The following CACNA1A variants were observed in gnomAD, a reference collection of about 807,000 sequenced individuals.
CACNA1A encodes voltage-dependent P/Q-type calcium channel subunit alpha-1A.
In CACNA1A, 57 loss-of-function variants were observed where a neutral mutation model predicts 262.4. The ratio of observed to expected loss-of-function variants is 0.22; its 90% CI spans 0.18 to 0.27. The LOEUF is 0.27. Among genes scored for constraint, CACNA1A ranks in the 10% least tolerant of loss-of-function variants. The probability of loss-of-function intolerance (pLI) is 1.00; values close to 1 mark genes in which losing one functional copy is unlikely to be tolerated. For missense variants in CACNA1A, 2,526 were observed against 3,562.8 expected (o/e 0.71, Z 7.41); for synonymous variants, 1,431 against 1,419.3 (o/e 1.01, Z -0.18).
At chr19:13,251,047 G>A (rs890431242) in intron 30 of CACNA1A, among the ~76,000 whole-genome samples, 2 of 150,180 alleles carry the variant, frequency 1.3e-5, no homozygotes, top group African/African-American at 2.5e-5. Context: ...TGGGAGAATC[G>A]CTTGAACCCA....
At chr19:13,249,082 C>T (rs886224530) in intron 30 of CACNA1A, among the ~76,000 whole-genome samples, 2 of 152,150 alleles carry the variant, frequency 1.3e-5, no homozygotes, top group Admixed American at 6.6e-5. Flanking sequence ...AATCCTCCTG[C>T]CTTCGCCTAA....
chr19:13,426,510 C>G (rs1400171451), intron 3 of CACNA1A, among the ~76,000 whole-genome samples: 1 of 151,996 alleles, frequency 6.6e-6, no homozygotes, highest in Non-Finnish European at 1.5e-5. Flanking sequence ...TTACCTAGCC[C>G]AAAATGTCAA....
intron 24 of CACNA1A, chr19:13,263,397 G>A (rs1210642582): frequency 6.5e-6 from 1 of 154,950 alleles, no homozygotes; most frequent in Non-Finnish European, 1.4e-5. Flanking sequence ...TCAAACTCCT[G>A]AGCTCAAGCA....
In CACNA1A at chr19:13,208,960, C is replaced by G. The variant is rs770657980; in HGVS notation, c.6576G>C (p.Ser2192=). Residue 2192 remains serine, a synonymous_variant, in exon 46 of 47, where the codon TCG becomes TCC. Coordinates refer to ENST00000360228, the MANE Select transcript of CACNA1A (RefSeq NM_001127222.2). ...GGCCCCGCTCCTGGTCCCGCTCCTTCGACGGCAGGTCCCCGGATTGGGTGG... is the reference window on the plus strand; with the variant it reads ...GGCCCCGCTCCTGGTCCCGCTCCTTGGACGGCAGGTCCCCGGATTGGGTGG... ...SMTTQSGDLP[S]KERDQERGRP... is the part of the protein sequence containing the mutation. 1 of 1,537,652 alleles carries G rather than the reference C, an allele frequency of 6.5e-7. No homozygotes were observed.
intron 1 of CACNA1A, among the ~76,000 whole-genome samples, chr19:13,465,975 T>C (rs980305880): frequency 6.6e-6 from 1 of 152,098 alleles, no homozygotes; most frequent in Non-Finnish European, 1.5e-5. Context: ...AGAATGCAGA[T>C]GGGTGGTTGC....
At chr19:13,246,110 C>T (rs974868027) in intron 30 of CACNA1A, among the ~76,000 whole-genome samples, 26 of 152,198 alleles carry the variant, frequency 1.7e-4, no homozygotes, top group African/African-American at 6.0e-4. Flanking sequence ...GCAGCATACT[C>T]GCAAAGAAAG....
rs1404424867 is a variant in CACNA1A at position 13,235,203 on chromosome 19, A to T, written c.5133+6T>A. 1.2e-6 allele frequency: 2 copies of T among 1,606,576 alleles called. No individual in the cohort carries two copies. The highest frequency in any genetic ancestry group is 3.4e-5 in the Admixed American group (2 of 58,140). ...GCTCTGGGAACCTTAGGGACACGAC[A>T]CTCACCTGCATCCCAATGATGGCAT... is the stretch of plus-strand genomic sequence containing the variant. On this transcript the variant is annotated splice_donor_region_variant and intron_variant, in intron 33 of 46. Transcript: ENST00000360228.
At chr19:13,265,066 G>A (rs1279775043) in intron 24 of CACNA1A, among the ~76,000 whole-genome samples, 1 of 151,952 alleles carries the variant, frequency 6.6e-6, no homozygotes, top group Non-Finnish European at 1.5e-5. Flanking sequence ...GTAGAGACAG[G>A]GTTTCACCGT....
chr19:13,247,768 C>T (rs1301579299), intron 30 of CACNA1A, among the ~76,000 whole-genome samples: 3 of 150,950 alleles, frequency 2.0e-5, no homozygotes, highest in Admixed American at 6.6e-5. Flanking sequence ...CCCACTGGCA[C>T]TTTTGGCATT....
At chr19:13,493,133 A>C (rs1344455585) in intron 1 of CACNA1A, among the ~76,000 whole-genome samples, 1 of 152,196 alleles carries the variant, frequency 6.6e-6, no homozygotes, top group African/African-American at 2.4e-5. Flanking sequence ...TACATCAACG[A>C]ATCTGTCGGT....
chr19:13,213,567 AT>A (rs2144531413), intron 40 of CACNA1A, among the ~76,000 whole-genome samples: 1 of 151,528 alleles, frequency 6.6e-6, no homozygotes, highest in South Asian at 2.1e-4. Context: ...CCATGGGTGC[AT>A]CCCCGAGGAC....
chr19:13,459,211 A>G (rs2061071127), intron 1 of CACNA1A, among the ~76,000 whole-genome samples: 1 of 152,154 alleles, frequency 6.6e-6, no homozygotes, highest in Admixed American at 6.5e-5. Flanking sequence ...CCTTTGGAAA[A>G]TTAATTGGTT....
intron 6 of CACNA1A, among the ~76,000 whole-genome samples, chr19:13,340,699 T>C (rs984647174): frequency 2.0e-5 from 3 of 152,126 alleles, no homozygotes; most frequent in African/African-American, 4.8e-5. Context: ...AGTGCTGGGA[T>C]TACAGGTGTG....
intron 38 of CACNA1A, among the ~76,000 whole-genome samples, chr19:13,221,234 C>CTTTCTTTTTTTTT (rs1555734435): frequency 2.8e-5 from 1 of 36,300 alleles, no homozygotes; most frequent in African/African-American, 1.5e-4. Context: ...TTCTTTCTTT[C>CTTTCTTTTTTTTT]TTTTTTTTTT....
intron 3 of CACNA1A, among the ~76,000 whole-genome samples, chr19:13,392,342 G>A (rs1478720015): frequency 6.6e-6 from 1 of 152,230 alleles, no homozygotes; most frequent in Non-Finnish European, 1.5e-5. Context: ...AGGGCTAGAG[G>A]AGGTGGTGAA....
At chr19:13,271,098 G>T (rs1028616497) in intron 24 of CACNA1A, among the ~76,000 whole-genome samples, 2 of 145,698 alleles carry the variant, frequency 1.4e-5, no homozygotes, top group African/African-American at 5.1e-5. Context: ...CTGCAAACAG[G>T]CTGCCAAATT....
intron 32 of CACNA1A, 144 bp from the exon 33 acceptor site, chr19:13,235,418 TG>T: frequency 1.1e-6 from 1 of 872,660 alleles, no homozygotes; most frequent in Non-Finnish European, 1.9e-6. Flanking sequence ...TGGGCATCTC[TG>T]GGGGCTCTAG....
chr19:13,243,888 G>A (rs973262448), intron 31 of CACNA1A: 1 of 152,340 alleles, frequency 6.6e-6, no homozygotes, highest in African/African-American at 2.4e-5. Context: ...GTGAAATGAG[G>A]CAACACCCTC....
At chr19:13,400,765 T>G (rs1416654810) in intron 3 of CACNA1A, among the ~76,000 whole-genome samples, 3 of 152,150 alleles carry the variant, frequency 2.0e-5, no homozygotes, top group Non-Finnish European at 4.4e-5. Context: ...ATTTTGGAGC[T>G]AATAATGCAG....
Sources: allele counts gnomAD v4.1 joint callset (sites outside exome capture counted in the v4.1 genomes callset), GRCh38; gene constraint gnomAD v4.1.1; transcripts MANE v1.5; gene names NCBI Gene and HGNC (gene_info 2026-07-23, HGNC 2026-07-21).